Variants in RICTOR observed in about 807,000 individuals in gnomAD.
RICTOR encodes the protein RPTOR independent companion of MTOR complex 2.
Under a neutral mutation model 214.9 loss-of-function variants are expected in RICTOR, and 49 were observed. The ratio of observed to expected loss-of-function variants is 0.23; its 90% CI spans 0.18 to 0.29. The LOEUF (loss-of-function observed/expected upper bound fraction) is 0.29, where lower values mean the gene tolerates loss of function less well. RICTOR is among the 10% of genes least tolerant of loss of function. The probability of loss-of-function intolerance (pLI) is 1.00; values close to 1 mark genes in which losing one functional copy is unlikely to be tolerated. For synonymous variants in RICTOR, 717 were observed against 711.3 expected (o/e 1.01, Z -0.13); for missense variants, 1,625 against 2,047.0 (o/e 0.79, Z 3.98).
At position 38,981,895 on chromosome 5, in the gene RICTOR, T is replaced by A; in HGVS notation, c.725A>T (p.Gln242Leu). The A allele has an allele frequency of 1.9e-6, 3 of 1,612,654 alleles. No individual in the cohort carries two copies. The highest frequency in any genetic ancestry group is 2.5e-6 in the Non-Finnish European group (3 of 1,178,882). ...LHLLNHPKTR[Q>L]YVRADVELER... ...TAATTCTACATCAGCTCGCACATAC[T>A]GTCGAGTCTTTGGATGATTAAGAAG... is the stretch of plus-strand genomic sequence containing the variant. The change falls in exon 8 of 38, where the codon CAG becomes CTG. Residue 242 changes from glutamine (Q) to leucine (L), a missense_variant. Coordinates refer to ENST00000357387, the MANE Select transcript of RICTOR (RefSeq NM_152756.5).
chr5:38,946,575 G>A (rs1748228853), intron 32 of RICTOR, 23 bp from the exon 33 acceptor site: 1 of 1,418,806 alleles, frequency 7.0e-7, no homozygotes. Flanking sequence ...ATAAACCATG[G>A]TAAGTCCTGC....
chr5:38,944,022 T>G (rs1392145903), intron 36 of RICTOR, among the ~76,000 whole-genome samples: 4 of 152,194 alleles, frequency 2.6e-5, no homozygotes, highest in Middle Eastern at 3.2e-3. Flanking sequence ...TATTTTTGTG[T>G]GGGTTACAGC....
At chr5:39,006,759 A>AGAGGAGGGGC (rs1754094163) in intron 3 of RICTOR, among the ~76,000 whole-genome samples, 1 of 55,684 alleles carries the variant, frequency 1.8e-5, no homozygotes. Flanking sequence ...AGAGGAGGGG[A>AGAGGAGGGGC]GAGGAGGGGA....
intron 12 of RICTOR, 134 bp from the exon 13 acceptor site, chr5:38,967,561 TAC>T (rs1452481503): frequency 3.1e-6 from 2 of 647,578 alleles, no homozygotes; most frequent in East Asian, 2.8e-5. Context: ...TTCAAAAAGA[TAC>T]AGACAAAAAT....
chr5:39,032,932 A>G (rs780758338), intron 2 of RICTOR, among the ~76,000 whole-genome samples: 9 of 152,242 alleles, frequency 5.9e-5, no homozygotes, highest in Non-Finnish European at 1.2e-4. Flanking sequence ...AGACTAGATT[A>G]GTAAAGGTTT....
At chr5:38,973,429 G>A (rs1002475058) in intron 10 of RICTOR, among the ~76,000 whole-genome samples, 8 of 152,098 alleles carry the variant, frequency 5.3e-5, no homozygotes, top group Non-Finnish European at 4.4e-5. Context: ...CCAGTGGGAT[G>A]GACAGATATA....
rs1554067890 is a variant in RICTOR, at chr5:38,990,628, T to TATACACGATATATG, written c.583+320_583+321insCATATATCGTGTAT. 6.1e-3 allele frequency among the ~76,000 whole-genome samples: 588 copies of TATACACGATATATG among 95,660 alleles called. 38 individuals are homozygous for TATACACGATATATG. Among genetic ancestry groups the TATACACGATATATG allele is most frequent in the Middle Eastern group, 0.023 (3 of 128 alleles). 62.8% of individuals were successfully genotyped at this position (95,660 alleles called of 152,430 possible). On this transcript the variant is annotated intron_variant, in intron 7 of 37. Transcript: ENST00000357387. Reference sequence around the variant, plus strand: ...TATGATATATATACGATATATGATATATATATCTGACATATATCAGATATA... The same window carrying TATACACGATATATG: ...TATGATATATATACGATATATGATATATACACGATATATGATATATCTGACATATATCAGATATA...
intron 2 of RICTOR, among the ~76,000 whole-genome samples, chr5:39,053,665 G>T (rs1757994553): frequency 6.6e-6 from 1 of 152,286 alleles, no homozygotes; most frequent in South Asian, 2.1e-4. Flanking sequence ...GGCCGAGATG[G>T]GTGGATCACG....
intron 11 of RICTOR, among the ~76,000 whole-genome samples, chr5:38,968,462 T>C (rs1423846150): frequency 2.6e-5 from 4 of 151,386 alleles, no homozygotes; most frequent in Non-Finnish European, 5.9e-5. Flanking sequence ...AGTGTACTTC[T>C]ATACTTTAAA....
intron 3 of RICTOR, among the ~76,000 whole-genome samples, chr5:39,013,010 C>T (rs565931363): frequency 6.6e-6 from 1 of 152,190 alleles, no homozygotes; most frequent in South Asian, 2.1e-4. Context: ...ATGAAGACAA[C>T]CTGAAAGAAA....
intron 2 of RICTOR, among the ~76,000 whole-genome samples, chr5:39,045,529 G>C (rs1159143572): frequency 6.6e-6 from 1 of 151,910 alleles, no homozygotes; most frequent in Admixed American, 6.6e-5. Flanking sequence ...CTCTAATTAG[G>C]AATCCTTTAT....
chr5:38,986,891 G>A (rs544897461), intron 7 of RICTOR, among the ~76,000 whole-genome samples: 9 of 152,264 alleles, frequency 5.9e-5, no homozygotes, highest in Non-Finnish European at 1.0e-4. Flanking sequence ...TTTGAAATAC[G>A]TTCCATCAAT....
chr5:38,968,378 C>T (rs1750413635), intron 11 of RICTOR, among the ~76,000 whole-genome samples: 1 of 151,792 alleles, frequency 6.6e-6, no homozygotes. Flanking sequence ...TTACATAATA[C>T]CTGATAATGA....
intron 3 of RICTOR, among the ~76,000 whole-genome samples, chr5:39,020,111 T>C (rs567663685): frequency 1.3e-5 from 2 of 152,156 alleles, no homozygotes; most frequent in Non-Finnish European, 2.9e-5. Context: ...AAAGCTTTAA[T>C]GGATAAGGAG....
intron 2 of RICTOR, among the ~76,000 whole-genome samples, chr5:39,051,725 C>A (rs1757871080): frequency 6.6e-6 from 1 of 151,580 alleles, no homozygotes; most frequent in South Asian, 2.1e-4. Flanking sequence ...TGCACTCCAG[C>A]CTGGGCAACG....
intron 2 of RICTOR, among the ~76,000 whole-genome samples, chr5:39,039,764 G>C (rs1408551045): frequency 2.0e-5 from 3 of 152,068 alleles, no homozygotes; most frequent in Non-Finnish European, 4.4e-5. Context: ...AAACCACAAT[G>C]AGATACCATC....
rs1466908929 is a variant in RICTOR at position 38,984,337 on chromosome 5, T to G, written c.584-2301A>C. On this transcript the variant is annotated intron_variant, in intron 7 of 37. Transcript: ENST00000357387. ...CCAATTAACAATTTAGATTACATAA[T>G]CTATCTTGTTCAATAATTAAGACTT... 3.9e-5 allele frequency among the ~76,000 whole-genome samples: 6 copies of G among 152,346 alleles called. No individual in the cohort carries two copies. The East Asian group carries it at 1.2e-3, about 29-fold the overall frequency.
At position 38,959,276 on chromosome 5, in the gene RICTOR, T is replaced by C; in HGVS notation, c.2097A>G (p.Lys699=). The change falls in exon 22 of 38, where the codon AAA becomes AAG. Residue 699 remains lysine (K), a synonymous_variant. Transcript: ENST00000357387. ...CSLKNQDHLL[K]LTVSSLDYSR... ...TATAGTCCAAGCTAGAAACAGTAAG[T>C]TTTAGCAAGTGATCTTGGTTTTTCA... is the stretch of plus-strand genomic sequence containing the variant. 4 of 1,593,182 alleles carry C rather than the reference T, an allele frequency of 2.5e-6. No homozygotes were observed. The highest frequency in any genetic ancestry group is 3.4e-6 in the Non-Finnish European group (4 of 1,167,980).
rs1752561282 is a variant in RICTOR, at chr5:38,990,605, T to C, written c.583+344A>G. On this transcript the variant is annotated intron_variant, in intron 7 of 37. Coordinates refer to ENST00000357387, the MANE Select transcript of RICTOR (RefSeq NM_152756.5). ...ATATACATGATATATACGATATATATGATATATATACGATATATGATATAT... is the reference window on the plus strand; with the variant it reads ...ATATACATGATATATACGATATATACGATATATATACGATATATGATATAT... Among the ~76,000 whole-genome samples the C allele has an allele frequency of 2.7e-5, 3 of 112,772 alleles. 1 individual carries two copies. The highest frequency in any genetic ancestry group is 3.6e-5 in the Non-Finnish European group (2 of 55,430). The allele number at this position is 112,772 out of a possible 152,430, so 74.0% of individuals were successfully genotyped here. A position where few individuals can be genotyped will look rare whatever the true frequency, so the allele number is the denominator to read the frequency against.
Sources: allele counts gnomAD v4.1 joint callset (sites outside exome capture counted in the v4.1 genomes callset), GRCh38; gene constraint gnomAD v4.1.1; transcripts MANE v1.5; gene names NCBI Gene and HGNC (gene_info 2026-07-23, HGNC 2026-07-21).